The following COX7B2 variants were observed in gnomAD, a reference collection of about 807,000 sequenced individuals.
The protein encoded by COX7B2 is cytochrome c oxidase subunit 7B2.
For synonymous variants in COX7B2, 37 were observed against 32.1 expected, an observed-to-expected ratio of 1.15 and a Z score of -0.51; for missense variants, 109 against 95.9, an observed-to-expected ratio of 1.14 and a Z score of -0.57.
At chr4:46,735,501 A>G (rs1400445417) in intron 2 of COX7B2, among the ~76,000 whole-genome samples, 5 of 152,240 alleles carry the variant, frequency 3.3e-5, no homozygotes, top group Non-Finnish European at 5.9e-5. Context: ...AATAAATGTT[A>G]GCTTTTCTAC....
At chr4:46,878,020 TACAC>T (rs58928264) in intron 1 of COX7B2, among the ~76,000 whole-genome samples, 4 of 147,666 alleles carry the variant, frequency 2.7e-5, no homozygotes, top group East Asian at 4.0e-4. Context: ...TTGTAGTGCA[TACAC>T]ACACACACAC....
intron 2 of COX7B2, among the ~76,000 whole-genome samples, chr4:46,824,426 T>C (rs1339820238): frequency 6.6e-6 from 1 of 152,096 alleles, no homozygotes; most frequent in Non-Finnish European, 1.5e-5. Flanking sequence ...GAGAATGAAA[T>C]TGAGCCCGTT....
intron 2 of COX7B2, among the ~76,000 whole-genome samples, chr4:46,831,319 C>T (rs1451259695): frequency 6.6e-6 from 1 of 152,176 alleles, no homozygotes; most frequent in African/African-American, 2.4e-5. Context: ...CTGAGTGCCC[C>T]CCCAACCTCC....
intron 1 of COX7B2, among the ~76,000 whole-genome samples, chr4:46,861,682 A>T (rs11941426): frequency 0.057 from 8,738 of 152,302 alleles, 324 homozygotes; most frequent in South Asian, 0.16. Context: ...GAGGTTGCTT[A>T]AGTAAAGGCC....
At chr4:46,843,318 C>A (rs368302501) in intron 2 of COX7B2, among the ~76,000 whole-genome samples, 1 of 152,082 alleles carries the variant, frequency 6.6e-6, no homozygotes, top group East Asian at 1.9e-4. Context: ...CCATATCTGG[C>A]ATATAATAAG....
At chr4:46,841,527 G>C (rs915648111) in intron 2 of COX7B2, among the ~76,000 whole-genome samples, 1 of 151,822 alleles carries the variant, frequency 6.6e-6, no homozygotes, top group Non-Finnish European at 1.5e-5. Flanking sequence ...TGCTATCTTA[G>C]TAAGACATAA....
intron 1 of COX7B2, among the ~76,000 whole-genome samples, chr4:46,857,914 T>C (rs1717094581): frequency 6.6e-6 from 1 of 152,234 alleles, no homozygotes; most frequent in African/African-American, 2.4e-5. Context: ...GTCTAAAATG[T>C]ATTCTACTGA....
At chr4:46,744,408 T>C (rs1335668672) in intron 2 of COX7B2, among the ~76,000 whole-genome samples, 2 of 152,084 alleles carry the variant, frequency 1.3e-5, no homozygotes, top group Non-Finnish European at 2.9e-5. Context: ...CCCATCTCCT[T>C]GGCTATAGCA....
At chr4:46,828,468 T>C (rs1241806316) in intron 2 of COX7B2, among the ~76,000 whole-genome samples, 2 of 152,242 alleles carry the variant, frequency 1.3e-5, no homozygotes, top group South Asian at 4.1e-4. Context: ...GCTGACGGAC[T>C]TAGAAATTGA....
At chr4:46,884,035 TTA>T (rs768207800) in intron 1 of COX7B2, among the ~76,000 whole-genome samples, 15 of 152,104 alleles carry the variant, frequency 9.9e-5, no homozygotes, top group Admixed American at 2.6e-4. Context: ...AATGGATAAA[TTA>T]TATAATATCC....
intron 2 of COX7B2, among the ~76,000 whole-genome samples, chr4:46,762,995 T>C (rs933369173): frequency 7.3e-6 from 1 of 137,878 alleles, no homozygotes; most frequent in Admixed American, 8.1e-5. Flanking sequence ...GTAATATGTA[T>C]ATTAAATATA....
intron 1 of COX7B2, among the ~76,000 whole-genome samples, chr4:46,903,721 T>C (rs970976515): frequency 6.6e-6 from 1 of 152,206 alleles, no homozygotes; most frequent in African/African-American, 2.4e-5. Flanking sequence ...GACCATTGTG[T>C]TACAAGGACC....
chr4:46,866,211 C>T (rs765098300), intron 1 of COX7B2, among the ~76,000 whole-genome samples: 11 of 152,182 alleles, frequency 7.2e-5, no homozygotes, highest in South Asian at 2.1e-4. Flanking sequence ...TTTAGGAAGA[C>T]GGAAGTATCC....
chr4:46,871,934 G>T (rs1718018438), intron 1 of COX7B2, among the ~76,000 whole-genome samples: 1 of 152,012 alleles, frequency 6.6e-6, no homozygotes, highest in Non-Finnish European at 1.5e-5. Flanking sequence ...AGAGCTAAAA[G>T]AAGAACTACC....
chr4:46,773,109 T>C (rs564098164), intron 2 of COX7B2, among the ~76,000 whole-genome samples: 1 of 152,284 alleles, frequency 6.6e-6, no homozygotes, highest in Non-Finnish European at 1.5e-5. Flanking sequence ...ACGATGTCTA[T>C]TTTTTAACTG....
intron 1 of COX7B2, among the ~76,000 whole-genome samples, chr4:46,880,945 T>C (rs1718682368): frequency 1.4e-5 from 2 of 139,994 alleles, no homozygotes; most frequent in Non-Finnish European, 3.0e-5. Flanking sequence ...TATACATATG[T>C]AACTAACCTG....
chr4:46,825,633 TACTTCAAG>T (rs753114409), intron 2 of COX7B2, among the ~76,000 whole-genome samples: 185 of 152,282 alleles, frequency 1.2e-3, no homozygotes, highest in Non-Finnish European at 1.9e-3. Context: ...CTTCAAACTA[TACTTCAAG>T]GCTACAGTAA....
At position 46,744,986 on chromosome 4, in the gene COX7B2, C is replaced by G. The variant is rs192578879; in HGVS notation, c.-49-9745G>C. Among the ~76,000 whole-genome samples, 4 of 152,142 alleles carry G rather than the reference C, an allele frequency of 2.6e-5. No individual in the cohort carries two copies. The East Asian group carries it at 5.8e-4, about 22-fold the overall frequency. On this transcript the variant is annotated intron_variant, in intron 2 of 2. Transcript: ENST00000355591. ...AGCTCAGGCAATCTGCCTGCCTCAGCCTCCCAAAGTGCTAGGATTACAGGT... is the reference window on the plus strand; with the variant it reads ...AGCTCAGGCAATCTGCCTGCCTCAGGCTCCCAAAGTGCTAGGATTACAGGT...
At chr4:46,819,992 A>G (rs191516817) in intron 2 of COX7B2, among the ~76,000 whole-genome samples, 82 of 152,130 alleles carry the variant, frequency 5.4e-4, no homozygotes, top group African/African-American at 1.9e-3. Flanking sequence ...CTGACATATG[A>G]CCCCCAACAT....
Sources: allele counts gnomAD v4.1 joint callset (sites outside exome capture counted in the v4.1 genomes callset), GRCh38; gene constraint gnomAD v4.1.1; transcripts MANE v1.5; gene names NCBI Gene and HGNC (gene_info 2026-07-23, HGNC 2026-07-21).